ESR1: variants seen among roughly 807,000 people sequenced by gnomAD.
The protein encoded by ESR1 is estrogen receptor.
ESR1 carries 12 observed loss-of-function variants against 52.7 expected under a neutral mutation model. That is an observed-to-expected ratio of 0.23 (90% CI 0.15 to 0.37). The LOEUF (loss-of-function observed/expected upper bound fraction) is 0.37. Ranked by LOEUF, ESR1 falls within the 10% of genes least tolerant of loss-of-function variation. The probability of loss-of-function intolerance (pLI) is 1.00; values close to 1 mark genes in which losing one functional copy is unlikely to be tolerated. For missense variants in ESR1, 584 were observed against 779.7 expected (o/e 0.75, Z 2.99); for synonymous variants, 305 against 316.8 (o/e 0.96, Z 0.39).
At chr6:151,912,884 A>G (rs1268061582) in intron 3 of ESR1, among the ~76,000 whole-genome samples, 1 of 152,040 alleles carries the variant, frequency 6.6e-6, no homozygotes, top group Non-Finnish European at 1.5e-5. Flanking sequence ...ACACATGGAC[A>G]CAGGGAGTGG....
intron 2 of ESR1, among the ~76,000 whole-genome samples, chr6:151,757,765 C>G (rs187210058): frequency 6.6e-6 from 1 of 152,042 alleles, no homozygotes; most frequent in Admixed American, 6.5e-5. Flanking sequence ...GTGCCACGAC[C>G]GAGGAGACAA....
At chr6:152,050,165 C>G (rs554612976) in intron 5 of ESR1, among the ~76,000 whole-genome samples, 5 of 152,254 alleles carry the variant, frequency 3.3e-5, no homozygotes, top group Admixed American at 2.6e-4. Context: ...AACTTTTTTC[C>G]TGCAATCATA....
rs547246835 is a variant in ESR1 at position 151,982,111 on chromosome 6, G to C, written c.1097-29545G>C. ...AACGTATACATTGGCTGCCTACTGTGTGCCAGTTGGTGAAGATATAAAGAT... is the reference window on the plus strand; with the variant it reads ...AACGTATACATTGGCTGCCTACTGTCTGCCAGTTGGTGAAGATATAAAGAT... On this transcript the variant is annotated intron_variant, in intron 4 of 7. Transcript: ENST00000206249. Among the ~76,000 whole-genome samples, 3 of 152,204 alleles carry C rather than the reference G, an allele frequency of 2.0e-5. No individual in the cohort carries two copies. The South Asian group carries it at 6.2e-4, about 31-fold the overall frequency.
upstream of ESR1, among the ~76,000 whole-genome samples, chr6:151,802,130 A>C (rs1777312406): frequency 6.6e-6 from 1 of 152,256 alleles, no homozygotes; most frequent in Admixed American, 6.5e-5. Context: ...CTTTAGATAC[A>C]TGTATTTCAT....
intron 4 of ESR1, among the ~76,000 whole-genome samples, chr6:151,958,836 C>G (rs906884418): frequency 1.3e-5 from 2 of 152,166 alleles, no homozygotes; most frequent in South Asian, 4.1e-4. Flanking sequence ...CAGAACCCAG[C>G]CTCAGTGCTG....
intron 3 of ESR1, among the ~76,000 whole-genome samples, chr6:151,937,655 T>A (rs2034525090): frequency 6.6e-6 from 1 of 152,028 alleles, no homozygotes; most frequent in African/African-American, 2.4e-5. Context: ...ACCAGATAAT[T>A]TATAGCTCCT....
At chr6:151,811,150 T>C (rs1778775845) in intron 1 of ESR1, 1 of 152,208 alleles carries the variant, frequency 6.6e-6, no homozygotes, top group Non-Finnish European at 1.5e-5. Context: ...CATCTATGTG[T>C]GAAGAAATGT....
chr6:151,717,251 G>A (rs1781120806), intron 2 of ESR1, among the ~76,000 whole-genome samples: 1 of 152,206 alleles, frequency 6.6e-6, no homozygotes, highest in South Asian at 2.1e-4. Flanking sequence ...GAAATCACCT[G>A]TCTTCTGCGT....
intron 2 of ESR1, among the ~76,000 whole-genome samples, chr6:151,793,147 G>A (rs1410717260): frequency 6.6e-6 from 1 of 151,582 alleles, no homozygotes; most frequent in Non-Finnish European, 1.5e-5. Flanking sequence ...CTCCAGCCTG[G>A]GCGACAGAAC....
At chr6:152,124,676 A>G (rs530168889) in intron 6 of ESR1, among the ~76,000 whole-genome samples, 8 of 132,542 alleles carry the variant, frequency 6.0e-5, no homozygotes, top group African/African-American at 2.4e-4. Context: ...CCAATGAGTT[A>G]TTCCTAATAA....
upstream of ESR1, among the ~76,000 whole-genome samples, chr6:151,686,064 A>ATTTTTTTTTTTTTTTTTTTT (rs557270210): frequency 4.1e-4 from 47 of 114,326 alleles, 3 homozygotes; most frequent in African/African-American, 2.0e-3. Context: ...AATTAAAACA[A>ATTTTTTTTTTTTTTTTTTTT]TTTTTTTTTT....
Position 151,728,259 on chromosome 6 carries a change from G to A in ESR1, c.-71+26254G>A, listed in dbSNP as rs76897674. Among the ~76,000 whole-genome samples, 249 of 152,284 alleles carry A rather than the reference G, an allele frequency of 1.6e-3. 1 individual carries two copies. The highest frequency in any genetic ancestry group is 2.9e-3 in the Non-Finnish European group (196 of 68,026). On this transcript the variant is annotated intron_variant, in intron 2 of 2. Coordinates refer to the ESR1 transcript ENST00000404742. ...TAAGGATTAAATGATACATTAAAGTGCACAGGTCAGATCACTCTCAGCCCA... is the reference window on the plus strand; with the variant it reads ...TAAGGATTAAATGATACATTAAAGTACACAGGTCAGATCACTCTCAGCCCA...
intron 6 of ESR1, among the ~76,000 whole-genome samples, chr6:152,081,687 G>A (rs2049229061): frequency 6.6e-6 from 1 of 151,864 alleles, no homozygotes; most frequent in Non-Finnish European, 1.5e-5. Context: ...GAATCCAGGA[G>A]CTGGTTTTTT....
At chr6:151,785,119 G>A (rs1786899701) in intron 2 of ESR1, among the ~76,000 whole-genome samples, 1 of 152,194 alleles carries the variant, frequency 6.6e-6, no homozygotes, top group South Asian at 2.1e-4. Context: ...CTAGACTCAT[G>A]TTTGATTAAA....
intron 3 of ESR1, among the ~76,000 whole-genome samples, chr6:151,932,139 G>C (rs1485521383): frequency 6.6e-6 from 1 of 150,398 alleles, no homozygotes; most frequent in Admixed American, 6.6e-5. Context: ...TTTAATGATT[G>C]CCATTCTAAC....
chr6:152,028,160 G>A (rs1304438660), intron 5 of ESR1, among the ~76,000 whole-genome samples: 1 of 151,934 alleles, frequency 6.6e-6, no homozygotes, highest in Non-Finnish European at 1.5e-5. Context: ...AAATAAATAG[G>A]GGGCGGTTCC....
At chr6:151,949,277 G>C (rs886290160) in intron 4 of ESR1, among the ~76,000 whole-genome samples, 1 of 152,216 alleles carries the variant, frequency 6.6e-6, no homozygotes, top group Admixed American at 6.5e-5. Context: ...ACTTAAAGTG[G>C]GTAGGGATGA....
At chr6:151,893,746 A>T (rs1339470543) in intron 3 of ESR1, among the ~76,000 whole-genome samples, 1 of 152,102 alleles carries the variant, frequency 6.6e-6, no homozygotes, top group Non-Finnish European at 1.5e-5. Context: ...TCATTTGACC[A>T]TGTGATCTGT....
intron 6 of ESR1, among the ~76,000 whole-genome samples, chr6:152,064,737 CT>C (rs1316275857): frequency 1.3e-5 from 2 of 152,154 alleles, no homozygotes; most frequent in Non-Finnish European, 2.9e-5. Context: ...TCCTCACAGT[CT>C]ATTTAGCCTG....
Sources: allele counts gnomAD v4.1 joint callset (sites outside exome capture counted in the v4.1 genomes callset), GRCh38; gene constraint gnomAD v4.1.1; transcripts MANE v1.5; gene names NCBI Gene and HGNC (gene_info 2026-07-23, HGNC 2026-07-21).